DAP: variants seen among roughly 807,000 people sequenced by gnomAD.
DAP encodes death-associated protein 1.
In DAP, 8 loss-of-function variants were observed where a neutral mutation model predicts 13.8. That is an observed-to-expected ratio of 0.58 (90% CI 0.34 to 1.05). DAP has a LOEUF of 1.05. Ranked by LOEUF, DAP falls within the 50% of genes least tolerant of loss-of-function variation. The pLI is 0.03. For synonymous variants in DAP, 47 were observed against 47.5 expected (o/e 0.99, Z 0.04); for missense variants, 106 against 133.2 (o/e 0.80, Z 1.01).
chr5:10,747,972 G>T lies in DAP; in HGVS notation c.152+203C>A, dbSNP rs537788962. ...GGGTGGGCGCGTGGCAACTGCTCAGGAAAGAGGACCTCTAGGGGCTCTATT... is the reference window on the plus strand; with the variant it reads ...GGGTGGGCGCGTGGCAACTGCTCAGTAAAGAGGACCTCTAGGGGCTCTATT... On this transcript the variant is annotated intron_variant, in intron 2 of 3. Coordinates refer to ENST00000230895, the MANE Select transcript of DAP (RefSeq NM_004394.3). The T allele has an allele frequency of 1.4e-5, 7 of 516,280 alleles. No homozygotes were observed. The South Asian group carries it at 1.5e-4, about 11-fold the overall frequency. 32.0% of individuals were successfully genotyped at this position (516,280 alleles called of 1,614,324 possible).
intron 1 of DAP, among the ~76,000 whole-genome samples, chr5:10,751,035 G>GGA (rs1330090846): frequency 6.6e-6 from 1 of 152,190 alleles, no homozygotes; most frequent in Non-Finnish European, 1.5e-5. Context: ...GTCCCCATGT[G>GGA]GAGCCCAGCC....
intron 2 of DAP, among the ~76,000 whole-genome samples, chr5:10,726,743 G>A (rs6554593): frequency 0.089 from 13,478 of 152,256 alleles, 811 homozygotes; most frequent in African/African-American, 0.17. Context: ...GCCACTGTGT[G>A]TGCATGTGTG....
chr5:10,753,855 A>G (rs1213483022), intron 1 of DAP, among the ~76,000 whole-genome samples: 2 of 152,226 alleles, frequency 1.3e-5, no homozygotes, highest in Non-Finnish European at 2.9e-5. Context: ...AATGTTATTC[A>G]AAGGGAAGCT....
chr5:10,693,158 GTA>G (rs1738348678), intron 2 of DAP, among the ~76,000 whole-genome samples: 2 of 89,464 alleles, frequency 2.2e-5, no homozygotes, highest in Non-Finnish European at 4.6e-5. Context: ...ACACACGTGC[GTA>G]GTAGTAGTGA....
At chr5:10,737,120 C>A (rs1016301461) in intron 2 of DAP, among the ~76,000 whole-genome samples, 2 of 151,990 alleles carry the variant, frequency 1.3e-5, no homozygotes, top group Non-Finnish European at 2.9e-5. Flanking sequence ...CTGAGGCAGG[C>A]GATCACCTGA....
chr5:10,757,603 T>G (rs1740221647), intron 1 of DAP, among the ~76,000 whole-genome samples: 2 of 152,174 alleles, frequency 1.3e-5, no homozygotes, highest in Admixed American at 6.5e-5. Flanking sequence ...GGCACTGTCC[T>G]CGGTATCTCA....
At chr5:10,682,566 T>C (rs1430522625) in intron 3 of DAP, among the ~76,000 whole-genome samples, 3 of 151,608 alleles carry the variant, frequency 2.0e-5, no homozygotes, top group Non-Finnish European at 2.9e-5. Context: ...GCATGGCAGT[T>C]GTATGTGAGG....
chr5:10,735,230 C>T (rs575300448), intron 2 of DAP, among the ~76,000 whole-genome samples: 1 of 152,158 alleles, frequency 6.6e-6, no homozygotes, highest in East Asian at 1.9e-4. Flanking sequence ...AATACAAGCA[C>T]AAGTGAACAT....
chr5:10,722,500 A>G (rs540631002), intron 2 of DAP, among the ~76,000 whole-genome samples: 1 of 145,770 alleles, frequency 6.9e-6, no homozygotes, highest in Admixed American at 6.9e-5. Flanking sequence ...ATATATATAC[A>G]CATACATATG....
intron 2 of DAP, among the ~76,000 whole-genome samples, chr5:10,688,263 A>ACCACCACCCCAATCAGTCAGCAG (rs1738206569): frequency 6.6e-6 from 1 of 152,086 alleles, no homozygotes; most frequent in Non-Finnish European, 1.5e-5. Context: ...ACCTTCAGCA[A>ACCACCACCCCAATCAGTCAGCAG]CCACCACCCC....
chr5:10,724,124 A>G (rs5745218), intron 2 of DAP, among the ~76,000 whole-genome samples: 13,939 of 152,286 alleles, frequency 0.092, 896 homozygotes, highest in African/African-American at 0.18. Flanking sequence ...AAATTAAAAC[A>G]ATTTAAAAGC....
At chr5:10,685,336 A>G (rs1280479981) in intron 2 of DAP, among the ~76,000 whole-genome samples, 3 of 150,344 alleles carry the variant, frequency 2.0e-5, no homozygotes, top group African/African-American at 7.5e-5. Context: ...GAAATGAGTA[A>G]GCTCAGCTCA....
intron 2 of DAP, among the ~76,000 whole-genome samples, chr5:10,716,177 C>T (rs1319600982): frequency 6.6e-6 from 1 of 152,154 alleles, no homozygotes; most frequent in Non-Finnish European, 1.5e-5. Context: ...CATTGAGCTC[C>T]ATCGGTGAAG....
chr5:10,703,094 G>T (rs1738621177), intron 2 of DAP, among the ~76,000 whole-genome samples: 1 of 152,184 alleles, frequency 6.6e-6, no homozygotes, highest in Non-Finnish European at 1.5e-5. Flanking sequence ...CTGGGAAACA[G>T]CCTGTTTCTG....
At chr5:10,733,263 A>C (rs186027079) in intron 2 of DAP, among the ~76,000 whole-genome samples, 2 of 149,156 alleles carry the variant, frequency 1.3e-5, no homozygotes, top group African/African-American at 5.0e-5. Context: ...AGTTGCTTCC[A>C]CCTCCTGGCT....
intron 2 of DAP, among the ~76,000 whole-genome samples, chr5:10,722,871 A>C (rs757382030): frequency 6.6e-6 from 1 of 152,108 alleles, no homozygotes; most frequent in Non-Finnish European, 1.5e-5. Flanking sequence ...TCCTTTACAG[A>C]CTGCACTTAA....
chr5:10,747,831 CTGGCT>C (rs1739947115), intron 2 of DAP, among the ~76,000 whole-genome samples: 1 of 152,192 alleles, frequency 6.6e-6, no homozygotes, highest in Non-Finnish European at 1.5e-5. Context: ...TTGGCTTGCC[CTGGCT>C]TCCAGGAAGG....
chr5:10,682,118 T>C (rs7715399), intron 3 of DAP, among the ~76,000 whole-genome samples: 70,301 of 118,864 alleles, frequency 0.59, 18,243 homozygotes, highest in East Asian at 0.77. Flanking sequence ...TGTGAGGAAG[T>C]CCCAGGCCAG....
intron 2 of DAP, among the ~76,000 whole-genome samples, chr5:10,735,118 G>A (rs1420738640): frequency 6.6e-6 from 1 of 152,150 alleles, no homozygotes; most frequent in Non-Finnish European, 1.5e-5. Context: ...ACTGTGCTCA[G>A]ATGATGAATT....
Sources: allele counts gnomAD v4.1 joint callset (sites outside exome capture counted in the v4.1 genomes callset), GRCh38; gene constraint gnomAD v4.1.1; transcripts MANE v1.5; gene names NCBI Gene and HGNC (gene_info 2026-07-23, HGNC 2026-07-21).